Variants in HMGA1 observed in about 807,000 individuals in gnomAD.
The protein encoded by HMGA1 is high mobility group AT-hook 1.
A neutral mutation model predicts 15.1 loss-of-function variants in HMGA1; 1 was observed. The ratio of observed to expected loss-of-function variants is 0.07; its 90% CI spans 0.02 to 0.31. HMGA1 has a LOEUF of 0.31. Among genes scored for constraint, HMGA1 ranks in the 10% least tolerant of loss-of-function variants. The pLI is 1.00. For synonymous variants in HMGA1, 56 were observed against 54.8 expected (o/e 1.02, Z -0.10); for missense variants, 94 against 141.4 (o/e 0.66, Z 1.70).
intron 2 of HMGA1, among the ~76,000 whole-genome samples, chr6:34,239,821 C>T (rs941454123): frequency 1.3e-5 from 2 of 152,034 alleles, no homozygotes; most frequent in Non-Finnish European, 2.9e-5. Flanking sequence ...AATTAAACCC[C>T]AACAGGCCTC....
chr6:34,239,744 C>T (rs1762144334), intron 2 of HMGA1, among the ~76,000 whole-genome samples: 1 of 152,100 alleles, frequency 6.6e-6, no homozygotes, highest in Non-Finnish European at 1.5e-5. Flanking sequence ...ACAGGGTATT[C>T]CCAAATACAG....
Position 34,243,623 on chromosome 6 carries a change from T to C in HMGA1, c.270+105T>C, listed in dbSNP as rs1022153788. Reference sequence around the variant, plus strand: ...TGCACCCCCTATGGAAAGGCTCTCCTTGACCTGCTGGGACATCAGATTTTA... The same window carrying C: ...TGCACCCCCTATGGAAAGGCTCTCCCTGACCTGCTGGGACATCAGATTTTA... On this transcript the variant is annotated intron_variant, in intron 5 of 5. Transcript: ENST00000311487. 4 of 942,532 alleles carry C rather than the reference T, an allele frequency of 4.2e-6. No individual in the cohort carries two copies. The Admixed American group carries it at 7.7e-5, about 18-fold the overall frequency. The allele number at this position is 942,532 out of a possible 1,614,324, so 58.4% of individuals were successfully genotyped here.
At position 34,245,180 on chromosome 6, in the gene HMGA1, C is replaced by T. The variant is rs1762644236; in HGVS notation, c.*296C>T. ...TGGACAAGGCTAACATCCCACTTAG[C>T]CGCACCCTGCACCTGCTGCGTCCCC... On this transcript the variant is annotated 3_prime_UTR_variant, in exon 6 of 6. Transcript: ENST00000311487. 12 of 1,437,422 alleles carry T rather than the reference C, an allele frequency of 8.3e-6. No homozygotes were observed. The highest frequency in any genetic ancestry group is 1.1e-5 in the Non-Finnish European group (12 of 1,083,810). 89.0% of individuals were successfully genotyped at this position (1,437,422 alleles called of 1,614,324 possible). A position where few individuals can be genotyped will look rare whatever the true frequency, so the allele number is the denominator to read the frequency against.
Position 34,240,751 on chromosome 6 carries a change from CTCT to C in HMGA1, c.-27_-25del. ...CTGTCTCCCAGCATCCCAGCCATCA[CTCT>C]TCCACCTGCTCCTTAGAGAAGGGAA... On this transcript the variant is annotated 5_prime_UTR_variant, in exon 3 of 6. Transcript: ENST00000311487. 6.2e-7 allele frequency: 1 copy of C among 1,611,928 alleles called. No homozygotes were observed. The highest frequency in any genetic ancestry group is 8.5e-7 in the Non-Finnish European group (1 of 1,179,756).
rs962604943 is a variant in HMGA1 at position 34,245,428 on chromosome 6, A to C, written c.*544A>C. Reference sequence around the variant, plus strand: ...GGGTGCTGGCCCCCAGGATTCCCCCAGCCAAACTGTCTTTGTCACCACGTG... The same window carrying C: ...GGGTGCTGGCCCCCAGGATTCCCCCCGCCAAACTGTCTTTGTCACCACGTG... On this transcript the variant is annotated 3_prime_UTR_variant, in exon 6 of 6. Transcript: ENST00000311487. 16 of 1,365,676 alleles carry C rather than the reference A, an allele frequency of 1.2e-5. No homozygotes were observed. In the African/African-American group the frequency reaches 2.3e-4, roughly 20 times the overall value. The allele number at this position is 1,365,676 out of a possible 1,614,324, so 84.6% of individuals were successfully genotyped here. A position where few individuals can be genotyped will look rare whatever the true frequency, so the allele number is the denominator to read the frequency against.
chr6:34,240,669 TGGGTGATGAGG>T (rs1762229962), intron 2 of HMGA1, 57 bp from the exon 3 acceptor site: 1 of 1,239,814 alleles, frequency 8.1e-7, no homozygotes, highest in African/African-American at 1.5e-5. Flanking sequence ...CTTGAAGGTG[TGGGTGATGAGG>T]GGGTAGAAAG....
At position 34,240,756 on chromosome 6, in the gene HMGA1, C is replaced by G. The variant is rs746464468; in HGVS notation, c.-25C>G. 1.9e-5 allele frequency: 30 copies of G among 1,611,840 alleles called. No individual in the cohort carries two copies. Among genetic ancestry groups the G allele is most frequent in the Non-Finnish European group, 2.5e-6 (3 of 1,179,788 alleles). ...TCCCAGCATCCCAGCCATCACTCTT[C>G]CACCTGCTCCTTAGAGAAGGGAAGA... is the stretch of plus-strand genomic sequence containing the variant. On this transcript the variant is annotated 5_prime_UTR_variant, in exon 3 of 6. Transcript: ENST00000311487.
chr6:34,244,071 G>T (rs989499644), intron 5 of HMGA1, among the ~76,000 whole-genome samples: 1 of 151,626 alleles, frequency 6.6e-6, no homozygotes, highest in Admixed American at 6.6e-5. Context: ...GGCCACTGCA[G>T]TTAGGGTCAC....
intron 2 of HMGA1, among the ~76,000 whole-genome samples, chr6:34,237,838 C>T (rs867019153): frequency 2.0e-5 from 3 of 151,846 alleles, no homozygotes; most frequent in African/African-American, 7.2e-5. Flanking sequence ...TTCGGCCCTA[C>T]GCCCTCTCGG....
chr6:34,241,027 C>G, intron 3 of HMGA1, 112 bp downstream of exon 3: 1 of 1,271,908 alleles, frequency 7.9e-7, no homozygotes, highest in Non-Finnish European at 1.1e-6. Flanking sequence ...TGATTCTGCG[C>G]AGTAAGCGTG....
At position 34,243,333 on chromosome 6, in the gene HMGA1, C is replaced by CTTGGGTGGGCCTGTTGGGTGAGAGTG. The variant is rs551262472; in HGVS notation, c.220-128_220-103dup. On this transcript the variant is annotated intron_variant, in intron 4 of 5. Coordinates refer to ENST00000311487, the MANE Select transcript of HMGA1 (RefSeq NM_145899.3). ...GGCTGGCCAGTCATTGCCAGCTGGA[C>CTTGGGTGGGCCTGTTGGGTGAGAGTG]TTGGGTGGGCCTGTTGGGTGAGAGT... 3.5e-3 allele frequency: 2,564 copies of CTTGGGTGGGCCTGTTGGGTGAGAGTG among 737,618 alleles called. 39 individuals are homozygous for CTTGGGTGGGCCTGTTGGGTGAGAGTG. The African/African-American group carries it at 0.037, about 11-fold the overall frequency. The allele number at this position is 737,618 out of a possible 1,614,324, so 45.7% of individuals were successfully genotyped here. A position where few individuals can be genotyped will look rare whatever the true frequency, so the allele number is the denominator to read the frequency against.
At chr6:34,242,220 G>T (rs530315609) in intron 3 of HMGA1, among the ~76,000 whole-genome samples, 20 of 152,324 alleles carry the variant, frequency 1.3e-4, no homozygotes, top group African/African-American at 4.8e-4. Flanking sequence ...AGGTTTGCAA[G>T]TGCAGGCAGG....
At chr6:34,240,702 A>C in intron 2 of HMGA1, 35 bp from the exon 3 acceptor site, 6 of 1,546,600 alleles carry the variant, frequency 3.9e-6, no homozygotes, top group Non-Finnish European at 5.3e-6. Flanking sequence ...GGCTGAAGCG[A>C]GATGTTTGTC....
At chr6:34,240,650 G>A in intron 2 of HMGA1, 87 bp from the exon 3 acceptor site, 1 of 1,078,260 alleles carries the variant, frequency 9.3e-7, no homozygotes, top group South Asian at 1.3e-5. Flanking sequence ...ACAGTTTTCT[G>A]CAGTGTGCCT....
chr6:34,240,305 C>T (rs1319624397), intron 2 of HMGA1, among the ~76,000 whole-genome samples: 1 of 152,182 alleles, frequency 6.6e-6, no homozygotes, highest in South Asian at 2.1e-4. Context: ...TCCCACTGAA[C>T]TGCGTAGGCT....
chr6:34,240,146 A>C (rs192732230), intron 2 of HMGA1, among the ~76,000 whole-genome samples: 1 of 152,240 alleles, frequency 6.6e-6, no homozygotes, highest in East Asian at 1.9e-4. Flanking sequence ...CAGAGAAGAG[A>C]GCTGGTGGTG....
chr6:34,245,218 G>A lies in HMGA1; in HGVS notation c.*334G>A, dbSNP rs1461471303. On this transcript the variant is annotated 3_prime_UTR_variant, in exon 6 of 6. Coordinates refer to ENST00000311487, the MANE Select transcript of HMGA1 (RefSeq NM_145899.3). Reference sequence around the variant, plus strand: ...CTGCTGCGTCCCCACTCCCTTGGTGGTGGGGACATTGCTCTCTGGGCTTTT... The same window carrying A: ...CTGCTGCGTCCCCACTCCCTTGGTGATGGGGACATTGCTCTCTGGGCTTTT... The A allele has an allele frequency of 6.4e-6, 9 of 1,397,004 alleles. No homozygotes were observed. The highest frequency in any genetic ancestry group is 7.6e-6 in the Non-Finnish European group (8 of 1,057,456). 86.5% of individuals were successfully genotyped at this position (1,397,004 alleles called of 1,614,324 possible). A position where few individuals can be genotyped will look rare whatever the true frequency, so the allele number is the denominator to read the frequency against.
rs375191354 is a variant in HMGA1 at position 34,245,547 on chromosome 6, C to T, written c.*663C>T. On this transcript the variant is annotated 3_prime_UTR_variant, in exon 6 of 6. Transcript: ENST00000311487. ...CAGGAAGGCAGGAGGGGTGAGTCCC[C>T]TACTCCCTCTTCACTGTGGCCACAG... 1.2e-5 allele frequency: 17 copies of T among 1,380,652 alleles called. No individual in the cohort carries two copies. The African/African-American group carries it at 2.2e-4, about 18-fold the overall frequency. 85.5% of individuals were successfully genotyped at this position (1,380,652 alleles called of 1,614,324 possible).
chr6:34,238,093 G>C (rs1170363333), intron 2 of HMGA1, among the ~76,000 whole-genome samples: 1 of 152,164 alleles, frequency 6.6e-6, no homozygotes, highest in Non-Finnish European at 1.5e-5. Flanking sequence ...GAGGGAGGGG[G>C]CTTTCTTCCT....
Sources: gnomAD v4.1 joint callset for allele counts (sites outside exome capture counted in the v4.1 genomes callset) on GRCh38, gnomAD v4.1.1 for gene constraint, MANE v1.5 for transcripts, NCBI Gene and HGNC (gene_info 2026-07-23, HGNC 2026-07-21) for gene names.